The following FGD6 variants were observed in gnomAD, a reference collection of about 807,000 sequenced individuals.
FGD6 encodes FYVE, RhoGEF and PH domain containing 6, also known as FYVE, RhoGEF and PH domain-containing protein 6.
A neutral mutation model predicts 149.4 loss-of-function variants in FGD6; 90 were observed. That is an observed-to-expected ratio of 0.60 (90% confidence interval 0.51 to 0.72). The LOEUF is 0.72. Ranked by LOEUF, FGD6 falls within the 30% of genes least tolerant of loss-of-function variation. The probability of loss-of-function intolerance (pLI) is 0.00; values close to 1 mark genes in which losing one functional copy is unlikely to be tolerated. For synonymous variants in FGD6, 527 were observed against 584.0 expected, an observed-to-expected ratio of 0.90 and a Z score of 1.41; for missense variants, 1,437 against 1,684.8, an observed-to-expected ratio of 0.85 and a Z score of 2.57.
At chr12:95,183,064 T>C (rs552257837) in intron 2 of FGD6, among the ~76,000 whole-genome samples, 4 of 152,352 alleles carry the variant, frequency 2.6e-5, no homozygotes, top group African/African-American at 7.2e-5. Context: ...CACAAAACCA[T>C]TGCGGTGCAA....
At chr12:95,137,404 G>T in intron 7 of FGD6, 118 bp downstream of exon 7, 1 of 820,782 alleles carries the variant, frequency 1.2e-6, no homozygotes, top group Non-Finnish European at 1.8e-6. Context: ...ATTTTGAAGG[G>T]ATTACTTTTT....
intron 2 of FGD6, among the ~76,000 whole-genome samples, chr12:95,184,306 G>C (rs1369928953): frequency 1.3e-5 from 2 of 152,158 alleles, no homozygotes; most frequent in African/African-American, 4.8e-5. Context: ...AAGGCTTCTT[G>C]GGAGCCCATG....
intron 8 of FGD6, among the ~76,000 whole-genome samples, chr12:95,115,832 T>C (rs1197389934): frequency 6.6e-6 from 1 of 152,164 alleles, no homozygotes; most frequent in Non-Finnish European, 1.5e-5. Context: ...TTGCTGAAAC[T>C]TCGTAAGTCT....
chr12:95,203,112 T>C (rs1363877250), intron 2 of FGD6, among the ~76,000 whole-genome samples: 6 of 152,182 alleles, frequency 3.9e-5, no homozygotes, highest in Admixed American at 6.5e-5. Flanking sequence ...GAAAATCCCA[T>C]AATAGGACTT....
At chr12:95,188,067 G>A (rs923586496) in intron 2 of FGD6, among the ~76,000 whole-genome samples, 9 of 152,156 alleles carry the variant, frequency 5.9e-5, no homozygotes. Context: ...GGCCAAGGTG[G>A]CCGATGAATG....
At position 95,210,332 on chromosome 12, in the gene FGD6, T is replaced by G. The variant is rs2056718860; in HGVS notation, c.952A>C (p.Arg318=). The change falls in exon 2 of 21, where the codon AGA becomes CGA. Residue 318 remains arginine (R), a synonymous_variant. Transcript: ENST00000343958. ...YTPKFPTPKP[R]KTRTARLLRQ... is the part of the protein sequence containing the mutation. ...AACAGACGAGCAGTTCGTGTCTTTC[T>G]GGGCTTGGGAGTTGGAAATTTTGGG... The G allele has an allele frequency of 1.2e-6, 2 of 1,613,908 alleles. No individual in the cohort carries two copies. The highest frequency in any genetic ancestry group is 1.7e-5 in the Admixed American group (1 of 59,968).
At chr12:95,162,935 C>G (rs773381495) in intron 3 of FGD6, among the ~76,000 whole-genome samples, 4 of 152,142 alleles carry the variant, frequency 2.6e-5, no homozygotes, top group Non-Finnish European at 4.4e-5. Context: ...TACCTCTTGC[C>G]CTCACTATTA....
chr12:95,212,121 T>C (rs1204994294), intron 1 of FGD6, among the ~76,000 whole-genome samples: 1 of 152,230 alleles, frequency 6.6e-6, no homozygotes, highest in African/African-American at 2.4e-5. Flanking sequence ...AAACCTGGTA[T>C]TTCTTTCTCC....
intron 17 of FGD6, among the ~76,000 whole-genome samples, chr12:95,090,938 A>C (rs1039684712): frequency 4.6e-5 from 7 of 152,124 alleles, no homozygotes; most frequent in African/African-American, 1.7e-4. Context: ...CCGCGTCTCT[A>C]CTAAAATACA....
At chr12:95,136,559 G>A (rs1254142051) in intron 7 of FGD6, among the ~76,000 whole-genome samples, 2 of 152,142 alleles carry the variant, frequency 1.3e-5, no homozygotes, top group Non-Finnish European at 2.9e-5. Context: ...ACAGCTCTGA[G>A]TTAAAAGTCA....
chr12:95,212,211 C>G (rs1018433811), intron 1 of FGD6, among the ~76,000 whole-genome samples: 3 of 152,070 alleles, frequency 2.0e-5, no homozygotes, highest in African/African-American at 4.8e-5. Context: ...TAGGTCCTAC[C>G]CTAGAGTGAA....
chr12:95,132,750 C>CAAAT (rs935609804), intron 8 of FGD6, among the ~76,000 whole-genome samples: 116 of 151,744 alleles, frequency 7.6e-4, no homozygotes, highest in Admixed American at 1.3e-3. Flanking sequence ...GATTCCGTCT[C>CAAAT]AAATAAATAA....
intron 18 of FGD6, among the ~76,000 whole-genome samples, chr12:95,088,653 C>T (rs200711856): frequency 1.3e-5 from 2 of 152,230 alleles, no homozygotes; most frequent in East Asian, 1.9e-4. Flanking sequence ...CAGCATAATT[C>T]GTAATAGCCA....
At chr12:95,211,578 C>T (rs1204602843) in intron 1 of FGD6, among the ~76,000 whole-genome samples, 3 of 144,196 alleles carry the variant, frequency 2.1e-5, no homozygotes, top group Admixed American at 1.4e-4. Flanking sequence ...CTTGCCCTGT[C>T]GCCCAGGCTG....
chr12:95,108,643 C>G, intron 9 of FGD6, 82 bp from the exon 10 acceptor site: 5 of 1,498,086 alleles, frequency 3.3e-6, no homozygotes, highest in Admixed American at 1.7e-5. Flanking sequence ...TTCCAGGGGA[C>G]AAGATAGCTA....
chr12:95,098,457 C>G (rs1878313579), intron 14 of FGD6, among the ~76,000 whole-genome samples: 1 of 152,212 alleles, frequency 6.6e-6, no homozygotes, highest in African/African-American at 2.4e-5. Flanking sequence ...CAAGATGGTT[C>G]TGCACCATCT....
chr12:95,151,006 T>A (rs1481205418), intron 5 of FGD6, among the ~76,000 whole-genome samples: 1 of 151,286 alleles, frequency 6.6e-6, no homozygotes, highest in East Asian at 1.9e-4. Context: ...GATGGGAGGA[T>A]CGCTTGAGCC....
chr12:95,085,026 T>C (rs1258330090), intron 19 of FGD6, among the ~76,000 whole-genome samples: 1 of 152,176 alleles, frequency 6.6e-6, no homozygotes, highest in East Asian at 1.9e-4. Context: ...AGCAGTGTTT[T>C]CATAGGATGG....
rs754945627 is a variant in FGD6 at position 95,153,912 on chromosome 12, C to CGTGTGTGTGT, written c.2587-929_2587-920dup. On this transcript the variant is annotated intron_variant, in intron 3 of 20. Transcript: ENST00000343958. ...TATGCTAAGGAGCTGAAATGAAATT[C>CGTGTGTGTGT]GTGTGTGTGTGTGTGTGTGTGTGTG... Among the ~76,000 whole-genome samples the CGTGTGTGTGT allele has an allele frequency of 2.9e-3, 414 of 141,402 alleles. 2 individuals are homozygous for CGTGTGTGTGT. The highest frequency in any genetic ancestry group is 9.0e-3 in the African/African-American group (336 of 37,322). 92.8% of individuals were successfully genotyped at this position (141,402 alleles called of 152,430 possible).
Sources: gnomAD v4.1 joint callset for allele counts (sites outside exome capture counted in the v4.1 genomes callset) on GRCh38, gnomAD v4.1.1 for gene constraint, MANE v1.5 for transcripts, NCBI Gene and HGNC (gene_info 2026-07-23, HGNC 2026-07-21) for gene names.